SH3BGR: variants seen among roughly 807,000 people sequenced by gnomAD.
SH3BGR encodes SH3 domain-binding glutamic acid-rich protein.
A neutral mutation model predicts 24.5 loss-of-function variants in SH3BGR; 29 were observed. The observed-to-expected ratio is 1.18, with a 90% CI of 0.88 to 1.61. The LOEUF (loss-of-function observed/expected upper bound fraction) is 1.61. Ranked by LOEUF, SH3BGR falls within the 40% of genes most tolerant of loss-of-function variation. SH3BGR has a pLI of 0.00. For synonymous variants in SH3BGR, 55 were observed against 65.7 expected (o/e 0.84, Z 0.79); for missense variants, 162 against 205.8 (o/e 0.79, Z 1.30).
At chr21:39,455,171 C>G (rs942562702) in intron 1 of SH3BGR, among the ~76,000 whole-genome samples, 5 of 152,224 alleles carry the variant, frequency 3.3e-5, no homozygotes, top group Admixed American at 3.3e-4. Flanking sequence ...GCTGTCAGAT[C>G]ACTCTGACAC....
At chr21:39,449,003 C>A (rs1401417675), upstream of SH3BGR, among the ~76,000 whole-genome samples, 3 of 152,078 alleles carry the variant, frequency 2.0e-5, no homozygotes, top group East Asian at 5.8e-4. Context: ...CAATTTTGGC[C>A]AGCTTATAGA....
intron 2 of SH3BGR, among the ~76,000 whole-genome samples, chr21:39,468,568 A>G (rs2077881856): frequency 6.6e-6 from 1 of 152,108 alleles, no homozygotes; most frequent in Non-Finnish European, 1.5e-5. Context: ...CCTCCTGAAT[A>G]GCTGGGACTA....
At chr21:39,494,471 A>C (rs1055643652) in intron 3 of SH3BGR, among the ~76,000 whole-genome samples, 4 of 151,896 alleles carry the variant, frequency 2.6e-5, no homozygotes, top group Non-Finnish European at 5.9e-5. Flanking sequence ...TTCTTGAGGG[A>C]TATTTCACCG....
At chr21:39,488,534 C>A (rs570016327) in intron 3 of SH3BGR, 3 of 367,144 alleles carry the variant, frequency 8.2e-6, no homozygotes, top group East Asian at 1.5e-4. Context: ...TTGAGCACTT[C>A]CTGCCCATGC....
upstream of SH3BGR, among the ~76,000 whole-genome samples, chr21:39,449,382 T>TA (rs1391421299): frequency 1.3e-5 from 2 of 152,204 alleles, no homozygotes; most frequent in African/African-American, 4.8e-5. Context: ...TGAACAGACA[T>TA]AAACAGCAAG....
chr21:39,476,289 C>T (rs562126316), intron 3 of SH3BGR, among the ~76,000 whole-genome samples: 6 of 152,106 alleles, frequency 3.9e-5, no homozygotes, highest in African/African-American at 7.2e-5. Flanking sequence ...GTGACAAATG[C>T]GGCTGAGAGA....
intron 1 of SH3BGR, 41 bp downstream of exon 1, chr21:39,452,182 G>A (rs762796261): frequency 6.2e-7 from 1 of 1,613,034 alleles, no homozygotes; most frequent in African/African-American, 1.3e-5. Context: ...ACTCTTTTCT[G>A]AATAACTTAG....
chr21:39,451,937 G>A (rs1461403379), upstream of SH3BGR: 1 of 1,614,180 alleles, frequency 6.2e-7, no homozygotes, highest in East Asian at 2.2e-5. Flanking sequence ...GAGAGACAGA[G>A]CCTCTTAAGT....
chr21:39,471,454 G>A (rs1007372497), intron 2 of SH3BGR, among the ~76,000 whole-genome samples: 2 of 151,970 alleles, frequency 1.3e-5, no homozygotes, highest in Non-Finnish European at 2.9e-5. Context: ...TTTAGCAATT[G>A]TATGCTTGAG....
chr21:39,475,430 A>G lies in SH3BGR; in HGVS notation c.312+215A>G, dbSNP rs189927234. Among the ~76,000 whole-genome samples, 259 of 152,324 alleles carry G rather than the reference A, an allele frequency of 1.7e-3. 1 individual carries two copies. Among genetic ancestry groups the G allele is most frequent in the African/African-American group, 6.1e-3 (252 of 41,578 alleles). Reference sequence around the variant, plus strand: ...CTTTTCATATTTATGCTGTGTTTTCACCTTGTTACAATAAATTTTATAATA... The same window carrying G: ...CTTTTCATATTTATGCTGTGTTTTCGCCTTGTTACAATAAATTTTATAATA... On this transcript the variant is annotated intron_variant, in intron 3 of 6. Transcript: ENST00000333634.
At chr21:39,481,490 C>T (rs2078129979) in intron 3 of SH3BGR, among the ~76,000 whole-genome samples, 1 of 152,186 alleles carries the variant, frequency 6.6e-6, no homozygotes, top group Non-Finnish European at 1.5e-5. Context: ...TCACAAGGCT[C>T]ATAATCTGTA....
chr21:39,496,895 T>C (rs903705726), intron 3 of SH3BGR, among the ~76,000 whole-genome samples: 1 of 152,136 alleles, frequency 6.6e-6, no homozygotes, highest in African/African-American at 2.4e-5. Flanking sequence ...GAAAATTTTC[T>C]AAATTAATAA....
chr21:39,484,802 T>C (rs994237847), intron 3 of SH3BGR, among the ~76,000 whole-genome samples: 5 of 152,190 alleles, frequency 3.3e-5, no homozygotes, highest in African/African-American at 1.2e-4. Flanking sequence ...TTGATAGGTG[T>C]TTATACTGTG....
upstream of SH3BGR, chr21:39,447,108 G>GT (rs1275553178): frequency 6.6e-6 from 1 of 152,126 alleles, no homozygotes; most frequent in Non-Finnish European, 1.5e-5. Flanking sequence ...GGTGCCGGTT[G>GT]TTTTTGCTGG....
intron 5 of SH3BGR, among the ~76,000 whole-genome samples, chr21:39,509,972 C>T (rs1302080470): frequency 7.9e-6 from 1 of 127,046 alleles, no homozygotes; most frequent in Non-Finnish European, 1.6e-5. Flanking sequence ...AGACGGAGTC[C>T]CGCTGTTTAG....
chr21:39,466,623 C>T (rs1226025019), intron 2 of SH3BGR, among the ~76,000 whole-genome samples: 1 of 152,166 alleles, frequency 6.6e-6, no homozygotes. Context: ...TGCCCTTCTT[C>T]ACATGACCAC....
chr21:39,504,573 G>A (rs1262815667), intron 4 of SH3BGR, among the ~76,000 whole-genome samples: 1 of 152,132 alleles, frequency 6.6e-6, no homozygotes, highest in Non-Finnish European at 1.5e-5. Context: ...CACTTCTGAG[G>A]TTTCTCTCTT....
chr21:39,501,799 C>CCACTTAGATA (rs1314603272), intron 4 of SH3BGR, among the ~76,000 whole-genome samples: 5 of 152,210 alleles, frequency 3.3e-5, no homozygotes, highest in South Asian at 2.1e-4. Context: ...GAGACAAACA[C>CCACTTAGATA]CACTTAGATA....
At position 39,511,623 on chromosome 21, in the gene SH3BGR, C is replaced by A; in HGVS notation, c.436-57C>A. ...GTCCAGCATTTTACAGTCTTTTTCT[C>A]ACTGTATCCTTGGCCCTTATGCTTC... On this transcript the variant is annotated intron_variant, in intron 5 of 6. Coordinates refer to ENST00000333634, the MANE Select transcript of SH3BGR (RefSeq NM_007341.3). This position sits in a 1 kb window ranked among gnomAD's most constrained non-coding sequence, Gnocchi z 4.2. The A allele has an allele frequency of 1.3e-6, 2 of 1,564,070 alleles. No individual in the cohort carries two copies. The highest frequency in any genetic ancestry group is 1.7e-6 in the Non-Finnish European group (2 of 1,152,798).
Sources: allele counts gnomAD v4.1 joint callset (sites outside exome capture counted in the v4.1 genomes callset), GRCh38; gene constraint gnomAD v4.1.1; non-coding constraint Gnocchi (gnomAD v3.1); transcripts MANE v1.5; gene names NCBI Gene and HGNC (gene_info 2026-07-23, HGNC 2026-07-21).